Variants in NOD1 observed in about 807,000 individuals in gnomAD.
NOD1 encodes nucleotide-binding oligomerization domain-containing protein 1.
Under a neutral mutation model 81.2 loss-of-function variants are expected in NOD1, and 70 were observed. The observed-to-expected ratio is 0.86, with a 90% CI of 0.71 to 1.05. NOD1 has a LOEUF of 1.05. NOD1 is among the 50% of genes least tolerant of loss of function. NOD1 has a pLI of 0.00. For missense variants in NOD1, 1,233 were observed against 1,228.0 expected (o/e 1.00, Z -0.06); for synonymous variants, 508 against 526.9 (o/e 0.96, Z 0.49).
intron 9 of NOD1, among the ~76,000 whole-genome samples, chr7:30,438,921 TTTA>T: frequency 6.6e-6 from 1 of 152,236 alleles, no homozygotes; most frequent in East Asian, 1.9e-4. Context: ...GAAGATAATT[TTTA>T]TTATTTTTCA....
intron 1 of NOD1, chr7:30,460,430 G>T (rs755541820): frequency 1.8e-5 from 18 of 985,262 alleles, no homozygotes; most frequent in Non-Finnish European, 2.0e-5. Flanking sequence ...ATTGGGCTGG[G>T]GCCAGGTATC....
intron 13 of NOD1, among the ~76,000 whole-genome samples, chr7:30,428,932 A>G (rs1783703808): frequency 6.6e-6 from 1 of 152,232 alleles, no homozygotes; most frequent in African/African-American, 2.4e-5. Flanking sequence ...GACAAAGAGC[A>G]CAGGTCAGTT....
intron 6 of NOD1, among the ~76,000 whole-genome samples, chr7:30,449,377 G>C (rs888992033): frequency 2.9e-4 from 44 of 152,142 alleles, no homozygotes; most frequent in Non-Finnish European, 2.9e-5. Flanking sequence ...TTTTAGCTGG[G>C]CCCATCTCAT....
Position 30,451,618 on chromosome 7 carries a change from T to C in NOD1, c.1799A>G (p.Lys600Arg). The change falls in exon 6 of 14, where the codon AAA (lysine) becomes AGA (arginine). Residue 600 changes from lysine to arginine, a missense_variant. Lys to Arg is a conservative substitution (Grantham distance 26). Coordinates refer to ENST00000222823, the MANE Select transcript of NOD1 (RefSeq NM_006092.4). The surrounding 1 kb of genome is among the most constrained non-coding windows in gnomAD (Gnocchi z 4.2). ...CACCAGATGCCGCAGGAGTTTCTGT[T>C]TGGCTTTGGACAACAGCCCGCACAG... ...LFLCGLLSKA[K>R]QKLLRHLVPA... 1 of 1,613,946 alleles carries C rather than the reference T, an allele frequency of 6.2e-7. No homozygotes were observed. The highest frequency in any genetic ancestry group is 8.5e-7 in the Non-Finnish European group (1 of 1,180,030).
At chr7:30,438,004 A>C (rs535943891) in intron 9 of NOD1, among the ~76,000 whole-genome samples, 2 of 152,342 alleles carry the variant, frequency 1.3e-5, no homozygotes, top group South Asian at 4.1e-4. Context: ...TCTCCTGTGG[A>C]GCACAGAGGT....
In NOD1 at chr7:30,477,966, C is replaced by T. The variant is rs529056279; in HGVS notation, c.-352+640G>A. On this transcript the variant is annotated intron_variant, in intron 1 of 13. Transcript: ENST00000222823. ...AATGAGACATCAACCTCTGTCATTT[C>T]CTATGTTTTTCACAATGTGCCAAAA... Among the ~76,000 whole-genome samples the T allele has an allele frequency of 6.6e-4, 101 of 152,324 alleles. 1 individual carries two copies. The South Asian group carries it at 0.011, about 17-fold the overall frequency.
chr7:30,461,320 G>C (rs904660905), intron 1 of NOD1, among the ~76,000 whole-genome samples: 3 of 152,048 alleles, frequency 2.0e-5, no homozygotes, highest in Admixed American at 6.6e-5. Context: ...TGGGATTACA[G>C]GTGCACACCC....
chr7:30,452,887 A>G lies in NOD1; in HGVS notation c.530T>C (p.Leu177Pro). 5 of 1,614,040 alleles carry G rather than the reference A, an allele frequency of 3.1e-6. No homozygotes were observed. The highest frequency in any genetic ancestry group is 4.2e-6 in the Non-Finnish European group (5 of 1,180,018). ...GTCCAGGAGGCAGGCCAGGCTGTTC[A>G]GGCTGCCCAGGCTCTCATTGCTGAA... ...VGFSNESLGS[L>P]NSLACLLDHT... The change falls in exon 6 of 14, where the codon CTG becomes CCG. Residue 177 changes from leucine to proline, a missense_variant. By Grantham distance (98) the Leu-to-Pro change is moderately conservative. Coordinates refer to ENST00000222823, the MANE Select transcript of NOD1 (RefSeq NM_006092.4).
intron 6 of NOD1, among the ~76,000 whole-genome samples, chr7:30,448,893 C>T (rs534600589): frequency 2.6e-5 from 4 of 152,288 alleles, no homozygotes; most frequent in African/African-American, 9.6e-5. Flanking sequence ...AACAGCTTCC[C>T]CCCATCCAGA....
In NOD1 at chr7:30,452,356, G is replaced by A. The variant is rs781740731; in HGVS notation, c.1061C>T (p.Pro354Leu). The change falls in exon 6 of 14, where the codon CCC becomes CTC. Residue 354 changes from proline (P) to leucine (L), a missense_variant. By Grantham distance (98) the Pro-to-Leu change is moderately conservative. Transcript: ENST00000222823. Reference protein sequence around the residue: ...RKKVLLRGFSPSHLRAYARRM... With the variant: ...RKKVLLRGFSLSHLRAYARRM... Reference sequence around the variant, plus strand: ...CCTGGCATAGGCGCGCAGGTGGCTGGGGGAGAAGCCCCGGAGAAGCACCTT... The same window carrying A: ...CCTGGCATAGGCGCGCAGGTGGCTGAGGGAGAAGCCCCGGAGAAGCACCTT... 3.7e-6 allele frequency: 6 copies of A among 1,613,332 alleles called. No homozygotes were observed. The highest frequency in any genetic ancestry group is 5.1e-6 in the Non-Finnish European group (6 of 1,180,014).
chr7:30,462,264 G>A (rs1340038350), intron 1 of NOD1, among the ~76,000 whole-genome samples: 1 of 152,196 alleles, frequency 6.6e-6, no homozygotes, highest in Non-Finnish European at 1.5e-5. Flanking sequence ...TTGATGTTTG[G>A]TGAGTCAGGA....
At chr7:30,426,442 CTA>C (rs1292014474) in intron 13 of NOD1, among the ~76,000 whole-genome samples, 1 of 151,578 alleles carries the variant, frequency 6.6e-6, no homozygotes, top group African/African-American at 2.4e-5. Flanking sequence ...CCTGGAACCT[CTA>C]TGTCTTTGGC....
chr7:30,456,903 T>C lies in NOD1; in HGVS notation c.19A>G (p.Ser7Gly). 6.2e-7 allele frequency: 1 copy of C among 1,614,218 alleles called. No individual in the cohort carries two copies. The highest frequency in any genetic ancestry group is 8.5e-7 in the Non-Finnish European group (1 of 1,180,000). The change falls in exon 4 of 14, where the codon AGT (serine) becomes GGT (glycine). Residue 7 changes from serine to glycine, a missense_variant. By Grantham distance (56) the Ser-to-Gly change is moderately conservative. Transcript: ENST00000222823. MEEQGH[S>G]EMEIIPSESH... Reference sequence around the variant, plus strand: ...TCTGATGGGATTATTTCCATCTCACTGTGGCCCTGCTCTTCCATAGTTAAA... The same window carrying C: ...TCTGATGGGATTATTTCCATCTCACCGTGGCCCTGCTCTTCCATAGTTAAA...
Position 30,467,320 on chromosome 7 carries a change from T to A in NOD1, c.-351-7279A>T, listed in dbSNP as rs1787797698. ...CTGGAAAGGGAGAGGACACCAGGAG[T>A]AGGGTAGGACTTTTATTCGTAATGT... On this transcript the variant is annotated intron_variant, in intron 1 of 13. Coordinates refer to ENST00000222823, the MANE Select transcript of NOD1 (RefSeq NM_006092.4). This position sits in a 1 kb window ranked among gnomAD's most constrained non-coding sequence, Gnocchi z 4.5. 6.6e-6 allele frequency among the ~76,000 whole-genome samples: 1 copy of A among 150,506 alleles called. No individual in the cohort carries two copies. Among genetic ancestry groups the A allele is most frequent in the Non-Finnish European group, 1.5e-5 (1 of 67,636 alleles).
Position 30,440,902 on chromosome 7 carries a change from G to T in NOD1, c.2454-3246C>A, listed in dbSNP as rs1176944579. Among the ~76,000 whole-genome samples the T allele has an allele frequency of 2.6e-4, 5 of 19,592 alleles. No homozygotes were observed. The Admixed American group carries it at 2.6e-3, about 10-fold the overall frequency. 12.9% of individuals were successfully genotyped at this position (19,592 alleles called of 152,430 possible). A position where few individuals can be genotyped will look rare whatever the true frequency, so the allele number is the denominator to read the frequency against. On this transcript the variant is annotated intron_variant, in intron 9 of 13. Transcript: ENST00000222823. ...AGGAAAGCCCATCAGACTAACAGCG[G>T]ATCTCTCGGCAGAAACCCTACAAGC...
Position 30,452,960 on chromosome 7 carries a change from GCTC to G in NOD1, c.454_456del (p.Glu152del). On this transcript the variant is annotated inframe_deletion, in exon 6 of 14. Transcript: ENST00000222823. ...TCCATGTAGATCTCCTCCAGCAGCA[GCTC>G]CTCCTTCTGGGCATAGCACAGCACG... 6.2e-7 allele frequency: 1 copy of G among 1,613,118 alleles called. No individual in the cohort carries two copies. The highest frequency in any genetic ancestry group is 8.5e-7 in the Non-Finnish European group (1 of 1,179,690).
chr7:30,475,893 G>A (rs1055767285), intron 1 of NOD1: 3 of 152,184 alleles, frequency 2.0e-5, no homozygotes, highest in African/African-American at 4.8e-5. Context: ...TGCCCTCAAC[G>A]AGTATTTGAT....
chr7:30,426,834 A>C (rs1381597557), intron 13 of NOD1, among the ~76,000 whole-genome samples: 1 of 152,126 alleles, frequency 6.6e-6, no homozygotes, highest in African/African-American at 2.4e-5. Flanking sequence ...GCTGTTCCCT[A>C]CGCAGAATAC....
chr7:30,459,686 T>C (rs1217038862), intron 2 of NOD1, among the ~76,000 whole-genome samples: 1 of 152,202 alleles, frequency 6.6e-6, no homozygotes, highest in African/African-American at 2.4e-5. Flanking sequence ...TTGAGAGATG[T>C]TAAAGACACA....
Sources: allele counts gnomAD v4.1 joint callset (sites outside exome capture counted in the v4.1 genomes callset), GRCh38; gene constraint gnomAD v4.1.1; non-coding constraint Gnocchi (gnomAD v3.1); transcripts MANE v1.5; gene names NCBI Gene and HGNC (gene_info 2026-07-23, HGNC 2026-07-21).